PWWP2A: variants seen among roughly 807,000 people sequenced by gnomAD.
The protein encoded by PWWP2A is PWWP domain-containing protein 2A.
PWWP2A carries 18 observed loss-of-function variants against 48.5 expected under a neutral mutation model. The ratio of observed to expected loss-of-function variants is 0.37; its 90% confidence interval spans 0.26 to 0.55. PWWP2A has a LOEUF of 0.55. PWWP2A is among the 20% of genes least tolerant of loss of function. The pLI, the probability that PWWP2A is intolerant of heterozygous loss-of-function variation, is 0.81. For missense variants in PWWP2A, 867 were observed against 976.4 expected, an observed-to-expected ratio of 0.89 and a Z score of 1.49; for synonymous variants, 396 against 387.7, an observed-to-expected ratio of 1.02 and a Z score of -0.25.
rs115946293 is a variant in PWWP2A, at chr5:160,099,284, A to G, written c.585-5219T>C. Among the ~76,000 whole-genome samples, 569 of 152,250 alleles carry G rather than the reference A, an allele frequency of 3.7e-3. 6 individuals are homozygous for G. The highest frequency in any genetic ancestry group is 0.013 in the African/African-American group (547 of 41,548). ...ACTCCCAAGAGTTGAGTAATAAGAT[A>G]CCCTACCCAATTTGTGCAGCATAAA... On this transcript the variant is annotated intron_variant, in intron 1 of 1. Coordinates refer to ENST00000307063, the MANE Select transcript of PWWP2A (RefSeq NM_001130864.2).
downstream of PWWP2A, among the ~76,000 whole-genome samples, chr5:160,058,643 C>T (rs1420994426): frequency 1.3e-5 from 2 of 151,754 alleles, no homozygotes; most frequent in African/African-American, 4.8e-5. Context: ...GATCTCCTGA[C>T]CTCGTGATCC....
At position 160,119,070 on chromosome 5, in the gene PWWP2A, G is replaced by T. The variant is rs773054961; in HGVS notation, c.319C>A (p.Pro107Thr). The T allele has an allele frequency of 6.3e-7, 1 of 1,589,486 alleles. No individual in the cohort carries two copies. The change falls in exon 1 of 2, where the codon CCT becomes ACT. Residue 107 changes from proline (P) to threonine (T), a missense_variant. Transcript: ENST00000307063. ...VRVAESAAAA[P>T]QGGPELPPSP... ...GGTGGAAGTTCCGGCCCTCCCTGAG[G>T]CGCGGCTGCCGCCGACTCCGCCACC...
chr5:160,049,180 A>C, the PWWP2A span, among the ~76,000 whole-genome samples: 1 of 152,220 alleles, frequency 6.6e-6, no homozygotes, highest in Non-Finnish European at 1.5e-5. Context: ...ATTTCATGAT[A>C]ATGTGAAAAT....
At chr5:160,053,288 A>G in the PWWP2A span, among the ~76,000 whole-genome samples, 1 of 152,184 alleles carries the variant, frequency 6.6e-6, no homozygotes, top group South Asian at 2.1e-4. Context: ...AGCAGTTAAA[A>G]ATTTTTTAAA....
intron 1 of PWWP2A, among the ~76,000 whole-genome samples, chr5:160,098,742 T>C (rs1755946311): frequency 6.6e-6 from 1 of 152,144 alleles, no homozygotes; most frequent in South Asian, 2.1e-4. Flanking sequence ...GAAACAAAAC[T>C]ATGGTCCCTT....
the PWWP2A span, among the ~76,000 whole-genome samples, chr5:160,044,760 TGA>T: frequency 6.6e-6 from 1 of 152,184 alleles, no homozygotes; most frequent in African/African-American, 2.4e-5. Context: ...TCTCATCCTG[TGA>T]CTAAGAATGC....
chr5:160,068,648 A>G (rs958121486), intron 2 of PWWP2A, among the ~76,000 whole-genome samples: 7 of 152,170 alleles, frequency 4.6e-5, no homozygotes, highest in African/African-American at 1.7e-4. Flanking sequence ...AGACTCTGAG[A>G]AACATTCTTT....
downstream of PWWP2A, among the ~76,000 whole-genome samples, chr5:160,057,398 CTG>C (rs2113411132): frequency 6.6e-6 from 1 of 151,252 alleles, no homozygotes; most frequent in East Asian, 1.9e-4. The surrounding 1 kb of genome is among the most constrained non-coding windows in gnomAD (Gnocchi z 4.4). Flanking sequence ...TGCAACAGCA[CTG>C]TGTCTAAAAA....
At chr5:160,065,392 C>T (rs959992534) in intron 4 of PWWP2A, 35 of 491,522 alleles carry the variant, frequency 7.1e-5, no homozygotes, top group Non-Finnish European at 1.3e-4. Context: ...AAAAGCCTCT[C>T]CTGAACCAAA....
intron 1 of PWWP2A, among the ~76,000 whole-genome samples, chr5:160,104,996 T>C (rs115218414): frequency 0.013 from 1,949 of 152,190 alleles, 46 homozygotes; most frequent in African/African-American, 0.045. Context: ...AATCCAAGCA[T>C]TTCTGGAGGC....
At chr5:160,063,966 C>CT (rs34967107) in intron 4 of PWWP2A, among the ~76,000 whole-genome samples, 6,718 of 106,592 alleles carry the variant, frequency 0.063, 513 homozygotes, top group East Asian at 0.1. Context: ...TAGACCATGA[C>CT]TTTTTTTTTT....
downstream of PWWP2A, among the ~76,000 whole-genome samples, chr5:160,075,459 C>T (rs1312594859): frequency 6.6e-6 from 1 of 152,094 alleles, no homozygotes; most frequent in African/African-American, 2.4e-5. Flanking sequence ...GTTTCTGATT[C>T]TTAGGTCAAA....
downstream of PWWP2A, chr5:160,091,144 C>T: frequency 1.0e-6 from 1 of 979,962 alleles, no homozygotes; most frequent in Non-Finnish European, 1.2e-6. Context: ...CTCTATACTA[C>T]AAAATCTTAT....
At chr5:160,046,977 A>G in the PWWP2A span, among the ~76,000 whole-genome samples, 1 of 152,136 alleles carries the variant, frequency 6.6e-6, no homozygotes, top group Admixed American at 6.6e-5. Context: ...ACGCCATTAC[A>G]CTCCAGCCTG....
chr5:160,094,576 G>C (rs955726260), intron 1 of PWWP2A, among the ~76,000 whole-genome samples: 3 of 152,180 alleles, frequency 2.0e-5, no homozygotes, highest in African/African-American at 7.2e-5. Context: ...AAGATTCAAA[G>C]AAAGTTGCTC....
downstream of PWWP2A, chr5:160,090,740 CAAA>C: frequency 1.0e-6 from 1 of 958,138 alleles, no homozygotes; most frequent in Non-Finnish European, 1.2e-6. Context: ...TAGAAATCCA[CAAA>C]AAACTGCTAA....
At chr5:160,082,457 AAG>A (rs1754316227) in intron 2 of PWWP2A, among the ~76,000 whole-genome samples, 1 of 151,992 alleles carries the variant, frequency 6.6e-6, no homozygotes, top group Non-Finnish European at 1.5e-5. Flanking sequence ...AAAAAAAAAA[AAG>A]AAATTATCTT....
intron 1 of PWWP2A, among the ~76,000 whole-genome samples, chr5:160,101,291 A>T (rs1756256558): frequency 6.6e-6 from 1 of 152,220 alleles, no homozygotes; most frequent in Admixed American, 6.5e-5. Context: ...CAGAGGTTGC[A>T]GTGAGAAGAG....
At chr5:160,070,026 G>T (rs1753704809) in intron 2 of PWWP2A, among the ~76,000 whole-genome samples, 1 of 152,166 alleles carries the variant, frequency 6.6e-6, no homozygotes, top group African/African-American at 2.4e-5. Flanking sequence ...GCCTCTGCAG[G>T]AGGCTTCCCC....
Sources: gnomAD v4.1 joint callset for allele counts (sites outside exome capture counted in the v4.1 genomes callset) on GRCh38, gnomAD v4.1.1 for gene constraint, Gnocchi (gnomAD v3.1) non-coding constraint, MANE v1.5 for transcripts, NCBI Gene and HGNC (gene_info 2026-07-23, HGNC 2026-07-21) for gene names.